Variants in GRM7 observed in about 807,000 individuals in gnomAD.
GRM7 encodes glutamate metabotropic receptor 7, also known as metabotropic glutamate receptor 7.
GRM7 carries 35 observed loss-of-function variants against 84.5 expected under a neutral mutation model. The observed-to-expected ratio is 0.41, with a 90% CI of 0.32 to 0.55. GRM7 has a LOEUF of 0.55. GRM7 is among the 20% of genes least tolerant of loss of function. GRM7 has a pLI of 0.19. For synonymous variants in GRM7, 487 were observed against 455.1 expected (o/e 1.07, Z -0.89); for missense variants, 1,003 against 1,194.6 (o/e 0.84, Z 2.36).
At chr3:7,054,955 CTCA>C (rs1271710854) in intron 1 of GRM7, among the ~76,000 whole-genome samples, 1 of 151,932 alleles carries the variant, frequency 6.6e-6, no homozygotes, top group African/African-American at 2.4e-5. Flanking sequence ...AATTGCAAGG[CTCA>C]TCTAATTTGT....
chr3:7,127,403 A>G (rs185064216), intron 1 of GRM7, among the ~76,000 whole-genome samples: 2 of 152,340 alleles, frequency 1.3e-5, no homozygotes, highest in East Asian at 3.9e-4. Flanking sequence ...AATTGATAGC[A>G]TCTAACCCTA....
chr3:6,965,728 G>C (rs1693489230), intron 1 of GRM7, among the ~76,000 whole-genome samples: 1 of 152,108 alleles, frequency 6.6e-6, no homozygotes, highest in Non-Finnish European at 1.5e-5. Context: ...ATCTTAGGTT[G>C]TTCTTAATTG....
At chr3:7,740,018 A>G (rs78465968) in intron 9 of GRM7, among the ~76,000 whole-genome samples, 1 of 152,222 alleles carries the variant, frequency 6.6e-6, no homozygotes, top group Admixed American at 6.5e-5. Flanking sequence ...TGAGAAGAGC[A>G]CACAACGAAA....
At chr3:7,325,606 C>G (rs1333489559) in intron 4 of GRM7, among the ~76,000 whole-genome samples, 1 of 152,110 alleles carries the variant, frequency 6.6e-6, no homozygotes, top group Non-Finnish European at 1.5e-5. Flanking sequence ...GATATCCCAG[C>G]CTGGGAAAGG....
chr3:6,927,491 A>G (rs987041338), intron 1 of GRM7, among the ~76,000 whole-genome samples: 4 of 133,458 alleles, frequency 3.0e-5, no homozygotes, highest in African/African-American at 1.1e-4. Flanking sequence ...GAAAGAAAGA[A>G]AGAAAGAAAG....
chr3:7,217,168 T>C (rs551512804), intron 2 of GRM7, among the ~76,000 whole-genome samples: 2 of 152,304 alleles, frequency 1.3e-5, no homozygotes, highest in Non-Finnish European at 2.9e-5. Flanking sequence ...GGGATTAGGA[T>C]GCCCAGATTC....
At chr3:7,029,187 G>A (rs116205737) in intron 1 of GRM7, among the ~76,000 whole-genome samples, 1 of 151,614 alleles carries the variant, frequency 6.6e-6, no homozygotes, top group Non-Finnish European at 1.5e-5. Context: ...ACTTGTAATC[G>A]TAGCTACTTG....
chr3:7,287,679 C>A (rs566526934), intron 2 of GRM7, among the ~76,000 whole-genome samples: 1 of 152,102 alleles, frequency 6.6e-6, no homozygotes, highest in Admixed American at 6.6e-5. Context: ...TTATTTGTTT[C>A]CACTTATTTG....
chr3:7,300,684 C>G (rs1377960256), intron 3 of GRM7, among the ~76,000 whole-genome samples: 2 of 152,130 alleles, frequency 1.3e-5, no homozygotes, highest in African/African-American at 4.8e-5. Flanking sequence ...GTTTCCTTCC[C>G]TGCTTCATCA....
At chr3:6,889,447 G>C (rs568784159) in intron 1 of GRM7, among the ~76,000 whole-genome samples, 1 of 151,452 alleles carries the variant, frequency 6.6e-6, no homozygotes, top group South Asian at 2.1e-4. Context: ...ATGAAGCGTT[G>C]TTGAATTTTG....
chr3:6,872,103 G>T (rs1695141019), intron 1 of GRM7, among the ~76,000 whole-genome samples: 1 of 152,164 alleles, frequency 6.6e-6, no homozygotes, highest in East Asian at 1.9e-4. Context: ...TGTTACTTTT[G>T]GATTTGGGAG....
At chr3:6,940,958 C>A (rs557451902) in intron 1 of GRM7, among the ~76,000 whole-genome samples, 1 of 152,172 alleles carries the variant, frequency 6.6e-6, no homozygotes, top group African/African-American at 2.4e-5. Context: ...ATGGGTTGAA[C>A]GTTGAGCAAA....
intron 1 of GRM7, among the ~76,000 whole-genome samples, chr3:6,900,023 T>C (rs560479890): frequency 6.6e-6 from 1 of 152,252 alleles, no homozygotes; most frequent in South Asian, 2.1e-4. Context: ...GGAGCAATAA[T>C]GGATACAGAT....
chr3:7,314,930 A>T (rs575272335), intron 4 of GRM7, among the ~76,000 whole-genome samples: 1 of 152,080 alleles, frequency 6.6e-6, no homozygotes, highest in Admixed American at 6.5e-5. Flanking sequence ...AATGTTCTTG[A>T]TTGTTGAAGG....
chr3:7,565,245 G>A (rs1196296520), intron 7 of GRM7, among the ~76,000 whole-genome samples: 1 of 152,024 alleles, frequency 6.6e-6, no homozygotes, highest in Admixed American at 6.6e-5. Context: ...TTCTTTCCTT[G>A]ACACCATCAT....
intron 4 of GRM7, among the ~76,000 whole-genome samples, chr3:7,364,365 G>T (rs892635714): frequency 6.6e-5 from 10 of 151,624 alleles, no homozygotes; most frequent in African/African-American, 2.2e-4. Flanking sequence ...ATGTTTGTTT[G>T]TTTTTTAAGT....
intron 1 of GRM7, among the ~76,000 whole-genome samples, chr3:6,905,462 T>A (rs1324272058): frequency 6.6e-6 from 1 of 152,180 alleles, no homozygotes; most frequent in East Asian, 1.9e-4. Flanking sequence ...AAGACTTTTT[T>A]AAAATCAGAT....
At chr3:7,150,294 A>G (rs1321951711) in intron 2 of GRM7, among the ~76,000 whole-genome samples, 2 of 152,294 alleles carry the variant, frequency 1.3e-5, no homozygotes, top group Middle Eastern at 3.4e-3. Context: ...ATCCTGAGGC[A>G]GAGGCTACTT....
chr3:7,247,586 ACT>A (rs1450833399), intron 2 of GRM7, among the ~76,000 whole-genome samples: 3 of 142,386 alleles, frequency 2.1e-5, no homozygotes, highest in South Asian at 2.2e-4. Flanking sequence ...AGAATGAGAC[ACT>A]CTCTCTTTTT....
Sources: gnomAD v4.1 joint callset for allele counts (sites outside exome capture counted in the v4.1 genomes callset) on GRCh38, gnomAD v4.1.1 for gene constraint, MANE v1.5 for transcripts, NCBI Gene and HGNC (gene_info 2026-07-23, HGNC 2026-07-21) for gene names.